CDC42SE1: variants seen among roughly 807,000 people sequenced by gnomAD.
CDC42SE1 encodes CDC42 small effector protein 1.
CDC42SE1 carries 10 observed loss-of-function variants against 10.9 expected under a neutral mutation model. The ratio of observed to expected loss-of-function variants is 0.92; its 90% CI spans 0.57 to 1.56. The LOEUF is 1.56. Ranked by LOEUF, CDC42SE1 falls within the 40% of genes most tolerant of loss-of-function variation. The pLI is 0.00. For synonymous variants in CDC42SE1, 24 were observed against 32.0 expected, an observed-to-expected ratio of 0.75 and a Z score of 0.85; for missense variants, 81 against 100.8, an observed-to-expected ratio of 0.80 and a Z score of 0.84.
At chr1:151,054,671 G>C (rs1225297165) in intron 3 of CDC42SE1, among the ~76,000 whole-genome samples, 1 of 152,110 alleles carries the variant, frequency 6.6e-6, no homozygotes, top group Non-Finnish European at 1.5e-5. Context: ...CTTTTTTCCT[G>C]TCCCAACACT....
In CDC42SE1 at chr1:151,055,037, C is replaced by T; in HGVS notation, c.144G>A (p.Gly48=). 2.5e-6 allele frequency: 4 copies of T among 1,613,610 alleles called. No homozygotes were observed. The highest frequency in any genetic ancestry group is 3.4e-6 in the Non-Finnish European group (4 of 1,179,716). ...TTACCATGGCAAGTCCATCTCCGGC[C>T]CCCATCTCCCCTGAGCCAATGTGAG... ...HLTHIGSGEM[G]AGDGLAMTGA... The change falls in exon 3 of 5, where the codon GGG becomes GGA. Residue 48 remains glycine (G), a synonymous_variant. Transcript: ENST00000357235.
intron 4 of CDC42SE1, among the ~76,000 whole-genome samples, chr1:151,053,593 G>A (rs1676225187): frequency 6.7e-6 from 1 of 149,870 alleles, no homozygotes; most frequent in South Asian, 2.1e-4. Context: ...GTGATTCTTC[G>A]GCCTCAGCCG....
chr1:151,054,343 A>G (rs1676241245), intron 3 of CDC42SE1, 22 bp from the exon 4 acceptor site: 8 of 1,578,504 alleles, frequency 5.1e-6, no homozygotes, highest in East Asian at 2.2e-5. Flanking sequence ...CAGATGCGAG[A>G]CACCTTCGTA....
chr1:151,058,317 TG>T (rs1676325286), intron 1 of CDC42SE1: 1 of 151,676 alleles, frequency 6.6e-6, no homozygotes, highest in South Asian at 2.1e-4. Context: ...AACTTGAGGG[TG>T]GGGTCAGAGT....
chr1:151,056,069 G>C lies in CDC42SE1; in HGVS notation c.-263-76C>G, dbSNP rs74891870. 1.7e-3 allele frequency: 621 copies of C among 367,664 alleles called. 6 individuals are homozygous for C. The highest frequency in any genetic ancestry group is 0.012 in the African/African-American group (575 of 48,356). 22.8% of individuals were successfully genotyped at this position (367,664 alleles called of 1,614,324 possible). A position where few individuals can be genotyped will look rare whatever the true frequency, so the allele number is the denominator to read the frequency against. On this transcript the variant is annotated intron_variant, in intron 1 of 4. Coordinates refer to ENST00000357235, the MANE Select transcript of CDC42SE1 (RefSeq NM_020239.4). ...CCCAATCCTTGAGAAACCTCCTGAT[G>C]AGCCTATATCTTCCCAGTCCTCCCT...
chr1:151,055,147 G>A lies in CDC42SE1; in HGVS notation c.55-21C>T, dbSNP rs1292515884. On this transcript the variant is annotated intron_variant, in intron 2 of 4. Coordinates refer to ENST00000357235, the MANE Select transcript of CDC42SE1 (RefSeq NM_020239.4). Reference sequence around the variant, plus strand: ...TTCTTCTGCTTGGAGAAGATAAGGAGTCATGTCTTAAGGCCCCTCCTCCAG... The same window carrying A: ...TTCTTCTGCTTGGAGAAGATAAGGAATCATGTCTTAAGGCCCCTCCTCCAG... 3 of 1,582,280 alleles carry A rather than the reference G, an allele frequency of 1.9e-6. No homozygotes were observed. The South Asian group carries it at 3.3e-5, about 18-fold the overall frequency.
rs587723574 is a variant in CDC42SE1, at chr1:151,057,252, T to C, written c.-263-1259A>G. 6.6e-6 allele frequency among the ~76,000 whole-genome samples: 1 copy of C among 152,360 alleles called. No individual in the cohort carries two copies. The highest frequency in any genetic ancestry group is 1.9e-4 in the East Asian group (1 of 5,182). On this transcript the variant is annotated intron_variant, in intron 1 of 4. Transcript: ENST00000357235. This position sits in a 1 kb window ranked among gnomAD's most constrained non-coding sequence, Gnocchi z 4.0. ...AAAACAAGAGATAGGCCGGGCGTGG[T>C]GGCTCACGCCTGTAATCCCAGCACT...
At chr1:151,054,474 C>G (rs587662499) in intron 3 of CDC42SE1, among the ~76,000 whole-genome samples, 153 bp from the exon 4 acceptor site, 1 of 152,334 alleles carries the variant, frequency 6.6e-6, no homozygotes, top group East Asian at 1.9e-4. Flanking sequence ...GTCTCAATGC[C>G]TCTTTTCACA....
intron 4 of CDC42SE1, among the ~76,000 whole-genome samples, chr1:151,054,016 A>G (rs975635346): frequency 4.6e-5 from 7 of 151,710 alleles, no homozygotes; most frequent in Admixed American, 3.3e-4. Flanking sequence ...TTTTTGGTAG[A>G]GACAGGGTTT....
At chr1:151,053,979 G>A (rs1267702452) in intron 4 of CDC42SE1, among the ~76,000 whole-genome samples, 1 of 151,888 alleles carries the variant, frequency 6.6e-6, no homozygotes, top group Non-Finnish European at 1.5e-5. Flanking sequence ...ACAGGAGCAC[G>A]CCACTGTGCC....
chr1:151,052,340 CTG>C lies in CDC42SE1; in HGVS notation c.*1002_*1003del, dbSNP rs1380426777. Reference sequence around the variant, plus strand: ...TCTAGAGCCTCTCCCTGCTCCCGTGCTGTGAGGATCTTAAGACTCCTAAACTC... The same window carrying C: ...TCTAGAGCCTCTCCCTGCTCCCGTGCTGAGGATCTTAAGACTCCTAAACTC... On this transcript the variant is annotated 3_prime_UTR_variant, in exon 5 of 5. Transcript: ENST00000357235. The C allele has an allele frequency of 3.9e-5, 6 of 152,604 alleles. No homozygotes were observed. Among genetic ancestry groups the C allele is most frequent in the Non-Finnish European group, 8.8e-5 (6 of 68,040 alleles). 9.5% of individuals were successfully genotyped at this position (152,604 alleles called of 1,614,324 possible).
chr1:151,058,252 A>T (rs1676323918), intron 1 of CDC42SE1: 1 of 152,582 alleles, frequency 6.6e-6, no homozygotes, highest in African/African-American at 2.4e-5. Flanking sequence ...GAAATGACCA[A>T]TGATGACGAG....
Position 151,052,511 on chromosome 1 carries a change from T to C in CDC42SE1, c.*833A>G, listed in dbSNP as rs1330210564. ...CCTCTCACCTGGGCCAGCAGGGAGG[T>C]TGGCAGAGGGCAGGAAAGATGCCCC... On this transcript the variant is annotated 3_prime_UTR_variant, in exon 5 of 5. Transcript: ENST00000357235. 2.0e-5 allele frequency: 3 copies of C among 152,444 alleles called. No homozygotes were observed. The highest frequency in any genetic ancestry group is 7.3e-5 in the African/African-American group (3 of 41,358). The allele number at this position is 152,444 out of a possible 1,614,324, so 9.4% of individuals were successfully genotyped here.
rs1272886514 is a variant in CDC42SE1, at chr1:151,051,645, AGAATACT to A, written c.*1692_*1698del. 6.6e-6 allele frequency: 1 copy of A among 152,562 alleles called. No homozygotes were observed. Among genetic ancestry groups the A allele is most frequent in the Non-Finnish European group, 1.5e-5 (1 of 68,024 alleles). 9.5% of individuals were successfully genotyped at this position (152,562 alleles called of 1,614,324 possible). ...GAAGGGCCAGAACGAAGAACACCTG[AGAATACT>A]GAAAGTGCCTAAAAACCCCTGCTCC... On this transcript the variant is annotated 3_prime_UTR_variant, in exon 5 of 5. Transcript: ENST00000357235.
At position 151,055,770 on chromosome 1, in the gene CDC42SE1, C is replaced by T. The variant is rs369403517; in HGVS notation, c.-40G>A. The T allele has an allele frequency of 3.6e-5, 55 of 1,543,436 alleles. No individual in the cohort carries two copies. The highest frequency in any genetic ancestry group is 1.7e-4 in the Admixed American group (10 of 59,062). ...CCAGCTTCACTCCGCTGTCTGAGGCCCCAAAGGGCTCTTTCCCTGGTGTTT... is the reference window on the plus strand; with the variant it reads ...CCAGCTTCACTCCGCTGTCTGAGGCTCCAAAGGGCTCTTTCCCTGGTGTTT... On this transcript the variant is annotated 5_prime_UTR_variant, in exon 2 of 5. Coordinates refer to ENST00000357235, the MANE Select transcript of CDC42SE1 (RefSeq NM_020239.4).
Position 151,051,308 on chromosome 1 carries a change from A to G in CDC42SE1, c.*2036T>C, listed in dbSNP as rs1676172972. 1 of 147,214 alleles carries G rather than the reference A, an allele frequency of 6.8e-6. No homozygotes were observed. Among genetic ancestry groups the G allele is most frequent in the Non-Finnish European group, 1.5e-5 (1 of 66,948 alleles). 9.1% of individuals were successfully genotyped at this position (147,214 alleles called of 1,614,324 possible). ...AACAAGCTGGGTTACTTTCAGAGCA[A>G]CCAGCTTGACTGGAACTGAGAGTAA... On this transcript the variant is annotated 3_prime_UTR_variant, in exon 5 of 5. Coordinates refer to ENST00000357235, the MANE Select transcript of CDC42SE1 (RefSeq NM_020239.4).
intron 2 of CDC42SE1, chr1:151,055,436 T>A (rs1208916374): frequency 1.7e-6 from 1 of 601,682 alleles, no homozygotes; most frequent in African/African-American, 1.9e-5. Context: ...CAGCTCCACC[T>A]ACAAACCCCA....
At chr1:151,054,165 AGTCAGGGTATCAG>A in intron 4 of CDC42SE1, 53 bp downstream of exon 4, 1 of 1,020,812 alleles carries the variant, frequency 9.8e-7, no homozygotes, top group East Asian at 2.4e-5. Flanking sequence ...CAGGGTTCTG[AGTCAGGGTATCAG>A]GTTGTGCTGT....
chr1:151,054,213 G>C lies in CDC42SE1; in HGVS notation c.*16+18C>G, dbSNP rs368219233. 2.7e-6 allele frequency: 4 copies of C among 1,499,018 alleles called. No homozygotes were observed. The South Asian group carries it at 4.5e-5, about 17-fold the overall frequency. The allele number at this position is 1,499,018 out of a possible 1,614,324, so 92.9% of individuals were successfully genotyped here. A position where few individuals can be genotyped will look rare whatever the true frequency, so the allele number is the denominator to read the frequency against. ...TTATGGGGGCTGAGGTGTTAGATGGGTTTCTCTAATCACTCACCATTCCAT... is the reference window on the plus strand; with the variant it reads ...TTATGGGGGCTGAGGTGTTAGATGGCTTTCTCTAATCACTCACCATTCCAT... On this transcript the variant is annotated intron_variant, in intron 4 of 4. Coordinates refer to ENST00000357235, the MANE Select transcript of CDC42SE1 (RefSeq NM_020239.4).
Sources: gnomAD v4.1 joint callset for allele counts (sites outside exome capture counted in the v4.1 genomes callset) on GRCh38, gnomAD v4.1.1 for gene constraint, Gnocchi (gnomAD v3.1) non-coding constraint, MANE v1.5 for transcripts, NCBI Gene and HGNC (gene_info 2026-07-23, HGNC 2026-07-21) for gene names.